ANKRD55: variants seen among roughly 807,000 people sequenced by gnomAD.
The protein encoded by ANKRD55 is ankyrin repeat domain-containing protein 55.
A neutral mutation model predicts 60.6 loss-of-function variants in ANKRD55; 41 were observed. The observed-to-expected ratio is 0.68, with a 90% CI of 0.53 to 0.88. The LOEUF (loss-of-function observed/expected upper bound fraction) is 0.88, where lower values mean the gene tolerates loss of function less well. ANKRD55 is among the 40% of genes least tolerant of loss of function. The pLI is 0.00. For missense variants in ANKRD55, 732 were observed against 767.6 expected (o/e 0.95, Z 0.55); for synonymous variants, 264 against 290.3 (o/e 0.91, Z 0.92).
At chr5:56,107,354 C>T (rs318794) in intron 10 of ANKRD55, among the ~76,000 whole-genome samples, 61,838 of 152,004 alleles carry the variant, frequency 0.41, 14,380 homozygotes, top group African/African-American at 0.65. Flanking sequence ...AATTCACCTT[C>T]CCCTTTCTGC....
At position 56,192,581 on chromosome 5, in the gene ANKRD55, T is replaced by G. The variant is rs1759125237; in HGVS notation, c.59-8947A>C. ...TAAATCCTGGCTGAATTTTTTAACC[T>G]TCCTCTATGGATCGGCAATAGGGTT... On this transcript the variant is annotated intron_variant, in intron 2 of 11. Transcript: ENST00000341048. 3 of 486,244 alleles carry G rather than the reference T, an allele frequency of 6.2e-6. No homozygotes were observed. In the African/African-American group the frequency reaches 6.2e-5, roughly 10 times the overall value. The allele number at this position is 486,244 out of a possible 1,614,324, so 30.1% of individuals were successfully genotyped here.
At chr5:56,102,384 C>T in intron 11 of ANKRD55, 110 bp downstream of exon 11, 1 of 741,364 alleles carries the variant, frequency 1.3e-6, no homozygotes, top group Non-Finnish European at 2.1e-6. Flanking sequence ...GCGCAAGACT[C>T]CATCTCAAAA....
intron 2 of ANKRD55, among the ~76,000 whole-genome samples, chr5:56,201,623 A>T (rs1053581165): frequency 1.3e-5 from 2 of 152,176 alleles, no homozygotes; most frequent in African/African-American, 4.8e-5. Context: ...ATGGATAAGA[A>T]TAGTGCCTCC....
At chr5:56,136,921 T>G in intron 7 of ANKRD55, 1 of 417,590 alleles carries the variant, frequency 2.4e-6, no homozygotes, top group Admixed American at 3.4e-5. Context: ...AATTCTAAAA[T>G]TATATAAGAA....
intron 10 of ANKRD55, among the ~76,000 whole-genome samples, chr5:56,105,845 G>A (rs1382525259): frequency 6.6e-6 from 1 of 152,230 alleles, no homozygotes; most frequent in Admixed American, 6.5e-5. Flanking sequence ...TTCTAGAGAA[G>A]GAAGCTCTCT....
In ANKRD55 at chr5:56,193,065, A is replaced by G. The variant is rs1759139801; in HGVS notation, c.59-9431T>C. ...TTTTTGAAAGCAGATGATGACACAT[A>G]TTTCATACTAGATAATTTGAGATGG... On this transcript the variant is annotated intron_variant, in intron 2 of 11. Coordinates refer to ENST00000341048, the MANE Select transcript of ANKRD55 (RefSeq NM_024669.3). 10 of 818,082 alleles carry G rather than the reference A, an allele frequency of 1.2e-5. No homozygotes were observed. The East Asian group carries it at 3.3e-4, about 27-fold the overall frequency. 50.7% of individuals were successfully genotyped at this position (818,082 alleles called of 1,614,324 possible).
intron 6 of ANKRD55, among the ~76,000 whole-genome samples, chr5:56,152,220 CAA>C (rs913233367): frequency 1.6e-4 from 12 of 77,104 alleles, no homozygotes; most frequent in African/African-American, 4.1e-4. Flanking sequence ...TTAAAAATTT[CAA>C]GTCAGGGACT....
At chr5:56,183,054 T>C (rs980816732) in intron 3 of ANKRD55, among the ~76,000 whole-genome samples, 2 of 152,242 alleles carry the variant, frequency 1.3e-5, no homozygotes, top group Admixed American at 1.3e-4. Context: ...ACTTACACCA[T>C]GTCATTCCTT....
chr5:56,135,710 T>G (rs1262823621), intron 7 of ANKRD55, among the ~76,000 whole-genome samples: 1 of 152,086 alleles, frequency 6.6e-6, no homozygotes, highest in African/African-American at 2.4e-5. Flanking sequence ...TTCTAGTTAA[T>G]GCAATAAGAC....
chr5:56,146,158 C>T (rs1209108459), intron 6 of ANKRD55, among the ~76,000 whole-genome samples: 3 of 152,040 alleles, frequency 2.0e-5, no homozygotes, highest in Admixed American at 1.3e-4. Flanking sequence ...GTTACTGGAG[C>T]GTAAGTTGCA....
intron 5 of ANKRD55, among the ~76,000 whole-genome samples, chr5:56,162,657 G>A (rs985412780): frequency 6.4e-5 from 9 of 141,606 alleles, no homozygotes; most frequent in Non-Finnish European, 1.1e-4. Flanking sequence ...ATCTCTTGTT[G>A]GTCAATTTTT....
At chr5:56,165,045 G>A (rs899975587) in intron 5 of ANKRD55, among the ~76,000 whole-genome samples, 1 of 152,316 alleles carries the variant, frequency 6.6e-6, no homozygotes, top group South Asian at 2.1e-4. Flanking sequence ...TTTATAAGCA[G>A]CTTCGGTTTG....
chr5:56,100,894 GC>G (rs1756251784), intron 11 of ANKRD55, among the ~76,000 whole-genome samples: 1 of 152,130 alleles, frequency 6.6e-6, no homozygotes, highest in Non-Finnish European at 1.5e-5. Flanking sequence ...TGTTTTTGTG[GC>G]TACAGTTCTG....
chr5:56,154,055 C>CA (rs940244381), intron 6 of ANKRD55, among the ~76,000 whole-genome samples: 2 of 146,934 alleles, frequency 1.4e-5, no homozygotes, highest in African/African-American at 2.5e-5. Flanking sequence ...ACTAAAAATA[C>CA]AAAAAAAATT....
intron 3 of ANKRD55, among the ~76,000 whole-genome samples, chr5:56,180,517 G>A (rs758063337): frequency 1.5e-4 from 23 of 152,148 alleles, no homozygotes; most frequent in South Asian, 4.1e-4. Context: ...CAGAATTTGC[G>A]CTAAATCTGT....
chr5:56,144,031 C>G, intron 6 of ANKRD55, 102 bp from the exon 7 acceptor site: 1 of 1,476,648 alleles, frequency 6.8e-7, no homozygotes, highest in Non-Finnish European at 9.3e-7. Context: ...TCACCAGATG[C>G]GTTGGTTGTT....
chr5:56,180,116 C>G (rs1758822321), intron 3 of ANKRD55, among the ~76,000 whole-genome samples: 1 of 152,122 alleles, frequency 6.6e-6, no homozygotes, highest in Non-Finnish European at 1.5e-5. Context: ...TACAGGGTAT[C>G]ACATGGCAAG....
chr5:56,159,227 C>T (rs879333615), intron 6 of ANKRD55, among the ~76,000 whole-genome samples: 3 of 152,110 alleles, frequency 2.0e-5, no homozygotes, highest in Admixed American at 6.5e-5. Flanking sequence ...TTTGGGAGGC[C>T]GAGGCAGGCA....
intron 7 of ANKRD55, among the ~76,000 whole-genome samples, chr5:56,131,672 T>A (rs1757417379): frequency 6.6e-6 from 1 of 151,380 alleles, no homozygotes; most frequent in African/African-American, 2.4e-5. Context: ...GGTGCGTGCC[T>A]GTGATCCCAG....
Sources: gnomAD v4.1 joint callset for allele counts (sites outside exome capture counted in the v4.1 genomes callset) on GRCh38, gnomAD v4.1.1 for gene constraint, MANE v1.5 for transcripts, NCBI Gene and HGNC (gene_info 2026-07-23, HGNC 2026-07-21) for gene names.